The following ADCY2 variants were observed in gnomAD, a reference collection of about 807,000 sequenced individuals.
ADCY2 encodes the protein adenylate cyclase 2, also known as adenylate cyclase type 2.
ADCY2 carries 31 observed loss-of-function variants against 125.2 expected under a neutral mutation model. The ratio of observed to expected loss-of-function variants is 0.25; its 90% CI spans 0.19 to 0.33. The LOEUF (loss-of-function observed/expected upper bound fraction) is 0.33, where lower values mean the gene tolerates loss of function less well. ADCY2 is among the 10% of genes least tolerant of loss of function. The probability of loss-of-function intolerance (pLI) is 1.00; values close to 1 mark genes in which losing one functional copy is unlikely to be tolerated. For missense variants in ADCY2, 904 were observed against 1,418.2 expected (o/e 0.64, Z 5.82); for synonymous variants, 512 against 548.4 (o/e 0.93, Z 0.93).
intron 15 of ADCY2, among the ~76,000 whole-genome samples, chr5:7,744,871 CT>C (rs1237598830): frequency 6.6e-6 from 1 of 152,228 alleles, no homozygotes; most frequent in Admixed American, 6.5e-5. Context: ...CAGTTACAGA[CT>C]ACAGTCTAGA....
intron 20 of ADCY2, among the ~76,000 whole-genome samples, chr5:7,792,916 T>A (rs934745748): frequency 6.6e-6 from 1 of 152,110 alleles, no homozygotes; most frequent in African/African-American, 2.4e-5. Context: ...GTCCTCCAGG[T>A]GAGGCGGGCA....
intron 2 of ADCY2, among the ~76,000 whole-genome samples, chr5:7,505,804 T>C (rs1397841898): frequency 6.6e-6 from 1 of 152,220 alleles, no homozygotes; most frequent in Non-Finnish European, 1.5e-5. Flanking sequence ...TATTTGTTTT[T>C]AAATGAATAA....
intron 3 of ADCY2, among the ~76,000 whole-genome samples, chr5:7,545,547 A>G (rs1009080868): frequency 1.3e-5 from 2 of 152,118 alleles, no homozygotes; most frequent in Non-Finnish European, 2.9e-5. Context: ...GTTTCCAGTG[A>G]ATGAACACTT....
intron 14 of ADCY2, among the ~76,000 whole-genome samples, chr5:7,733,457 G>T (rs1347850352): frequency 6.6e-6 from 1 of 152,146 alleles, no homozygotes; most frequent in Non-Finnish European, 1.5e-5. Context: ...AAAAAATGCT[G>T]CCATTTACAC....
chr5:7,717,680 G>A (rs1057005760), intron 12 of ADCY2, among the ~76,000 whole-genome samples: 1 of 152,222 alleles, frequency 6.6e-6, no homozygotes, highest in Non-Finnish European at 1.5e-5. Flanking sequence ...ATGAGAGGAA[G>A]ACTGATTTTG....
chr5:7,648,590 G>T (rs999934274), intron 4 of ADCY2, among the ~76,000 whole-genome samples: 1 of 152,066 alleles, frequency 6.6e-6, no homozygotes, highest in Non-Finnish European at 1.5e-5. Flanking sequence ...GAAAAACTTT[G>T]CCAAGTAAAA....
At chr5:7,591,038 G>A (rs1736835741) in intron 3 of ADCY2, among the ~76,000 whole-genome samples, 1 of 152,084 alleles carries the variant, frequency 6.6e-6, no homozygotes, top group South Asian at 2.1e-4. Flanking sequence ...ATTATAGTAG[G>A]CAAATTTTGG....
intron 6 of ADCY2, among the ~76,000 whole-genome samples, chr5:7,697,856 C>G (rs528025642): frequency 2.0e-4 from 31 of 152,264 alleles, no homozygotes; most frequent in Non-Finnish European, 3.1e-4. Flanking sequence ...CTAATTTATA[C>G]TGAGTGCTGG....
rs1280514456 is a variant in ADCY2 at position 7,668,976 on chromosome 5, T to A, written c.721-21715T>A. 1.6e-4 allele frequency among the ~76,000 whole-genome samples: 24 copies of A among 152,252 alleles called. 1 individual carries two copies. Among genetic ancestry groups the A allele is most frequent in the Non-Finnish European group, 1.5e-5 (1 of 68,050 alleles). On this transcript the variant is annotated intron_variant, in intron 4 of 24. Transcript: ENST00000338316. ...CCACTATTTTCCTGAAACATAATTC[T>A]ATATTGAAATGTGCCTGGTTCTAAC...
At position 7,569,943 on chromosome 5, in the gene ADCY2, CATTA is replaced by C. The variant is rs139689503; in HGVS notation, c.570+49053_570+49056del. 2.6e-3 allele frequency among the ~76,000 whole-genome samples: 394 copies of C among 152,168 alleles called. 1 individual carries two copies. The highest frequency in any genetic ancestry group is 8.9e-3 in the African/African-American group (370 of 41,504). On this transcript the variant is annotated intron_variant, in intron 3 of 24. Transcript: ENST00000338316. ...TGAAAATGAATTTTCAATGGATAAA[CATTA>C]ATTAATTATTAAACCATTAATAATC... is the stretch of plus-strand genomic sequence containing the variant.
At chr5:7,757,339 A>G (rs545496281) in intron 15 of ADCY2, 110 bp from the exon 16 acceptor site, 1 of 1,357,602 alleles carries the variant, frequency 7.4e-7, no homozygotes, top group African/African-American at 1.5e-5. Flanking sequence ...CTACATGTTT[A>G]GTCTATGAAC....
At chr5:7,573,870 A>G (rs1011232722) in intron 3 of ADCY2, among the ~76,000 whole-genome samples, 2 of 135,802 alleles carry the variant, frequency 1.5e-5, no homozygotes, top group South Asian at 2.6e-4. Flanking sequence ...CTAACTCGTC[A>G]TCTAGCATTA....
intron 1 of ADCY2, among the ~76,000 whole-genome samples, chr5:7,409,869 T>C (rs537018666): frequency 6.6e-6 from 1 of 152,324 alleles, no homozygotes; most frequent in East Asian, 1.9e-4. Context: ...GTTTTATAGA[T>C]GTTTAAAATT....
At chr5:7,410,393 G>A (rs528249244) in intron 1 of ADCY2, among the ~76,000 whole-genome samples, 5 of 152,184 alleles carry the variant, frequency 3.3e-5, no homozygotes, top group South Asian at 2.1e-4. Context: ...CTGTTACTGC[G>A]TGGAAAAACA....
chr5:7,514,252 T>G (rs77249216), intron 2 of ADCY2, among the ~76,000 whole-genome samples: 3,348 of 152,288 alleles, frequency 0.022, 144 homozygotes, highest in African/African-American at 0.076. Flanking sequence ...GGAACCCTGA[T>G]AGACCTGATG....
chr5:7,628,972 T>C (rs1738221198), intron 4 of ADCY2, among the ~76,000 whole-genome samples: 3 of 152,188 alleles, frequency 2.0e-5, no homozygotes, highest in African/African-American at 7.2e-5. Context: ...AAATTCAGGT[T>C]TGGGTTCCTT....
intron 3 of ADCY2, among the ~76,000 whole-genome samples, chr5:7,585,185 AT>A (rs1736588469): frequency 6.6e-6 from 1 of 152,052 alleles, no homozygotes; most frequent in Non-Finnish European, 1.5e-5. Flanking sequence ...ATATGTTCAC[AT>A]TCATTTTCTA....
intron 22 of ADCY2, among the ~76,000 whole-genome samples, chr5:7,812,006 G>A (rs189055088): frequency 9.9e-5 from 15 of 152,256 alleles, no homozygotes; most frequent in African/African-American, 3.6e-4. Flanking sequence ...GAGTGAACCG[G>A]GAGTACAAAC....
intron 3 of ADCY2, among the ~76,000 whole-genome samples, chr5:7,527,338 A>G (rs535414559): frequency 3.3e-5 from 5 of 152,318 alleles, no homozygotes; most frequent in East Asian, 1.9e-4. Flanking sequence ...CATTTGCTGT[A>G]CTTTTGTAGG....
Sources: gnomAD v4.1 joint callset for allele counts (sites outside exome capture counted in the v4.1 genomes callset) on GRCh38, gnomAD v4.1.1 for gene constraint, MANE v1.5 for transcripts, NCBI Gene and HGNC (gene_info 2026-07-23, HGNC 2026-07-21) for gene names.